ZMAT3: variants seen among roughly 807,000 people sequenced by gnomAD.
ZMAT3 encodes zinc finger matrin-type 3, also known as zinc finger matrin-type protein 3.
ZMAT3 carries 17 observed loss-of-function variants against 32.3 expected under a neutral mutation model. The observed-to-expected ratio is 0.53, with a 90% CI of 0.36 to 0.79. The LOEUF is 0.79. Among genes scored for constraint, ZMAT3 ranks in the 30% least tolerant of loss-of-function variants. The pLI, the probability that ZMAT3 is intolerant of heterozygous loss-of-function variation, is 0.00. For synonymous variants in ZMAT3, 120 were observed against 133.1 expected (o/e 0.90, Z 0.68); for missense variants, 329 against 359.7 (o/e 0.91, Z 0.69).
At chr3:179,069,899 T>C (rs996390498) in intron 1 of ZMAT3, among the ~76,000 whole-genome samples, 3 of 152,186 alleles carry the variant, frequency 2.0e-5, no homozygotes, top group Non-Finnish European at 2.9e-5. Context: ...ATTTAAAAAG[T>C]CAGGTTCTCT....
At chr3:179,060,700 T>G (rs932182750) in intron 2 of ZMAT3, among the ~76,000 whole-genome samples, 1 of 151,940 alleles carries the variant, frequency 6.6e-6, no homozygotes, top group Admixed American at 6.6e-5. Flanking sequence ...GTACACAAAC[T>G]GAAAGGATCT....
At chr3:179,067,429 A>G in intron 2 of ZMAT3, 54 bp downstream of exon 2, 2 of 1,582,250 alleles carry the variant, frequency 1.3e-6, no homozygotes, top group Non-Finnish European at 1.7e-6. Context: ...CTAAATAGCC[A>G]GAGCCCTGAA....
chr3:179,041,855 A>G (rs1342429573), intron 2 of ZMAT3, among the ~76,000 whole-genome samples: 2 of 152,218 alleles, frequency 1.3e-5, no homozygotes, highest in East Asian at 3.8e-4. Flanking sequence ...ATAAAGAAGA[A>G]AAGAGAGAAG....
In ZMAT3 at chr3:179,022,695, C is replaced by T. The variant is rs1718612850; in HGVS notation, c.*2322G>A. The stretch of plus-strand genomic sequence containing the variant: ...AAGAGTCACAGGTCTAGATAGAATC[C>T]TAACAGAATAGTATTTGATTCTTCT... On this transcript the variant is annotated 3_prime_UTR_variant, in exon 6 of 6. Transcript: ENST00000311417. 1 of 151,512 alleles carries T rather than the reference C, an allele frequency of 6.6e-6. No individual in the cohort carries two copies. The highest frequency in any genetic ancestry group is 1.5e-5 in the Non-Finnish European group (1 of 67,904). The allele number at this position is 151,512 out of a possible 1,614,324, so 9.4% of individuals were successfully genotyped here.
At chr3:179,044,670 C>T (rs755913586) in intron 2 of ZMAT3, among the ~76,000 whole-genome samples, 4 of 151,972 alleles carry the variant, frequency 2.6e-5, no homozygotes, top group Non-Finnish European at 5.9e-5. Context: ...GAAAATGTGA[C>T]ACATATACAC....
rs776585510 is a variant in ZMAT3, at chr3:179,067,616, G to A, written c.137C>T (p.Pro46Leu). 1.2e-5 allele frequency: 20 copies of A among 1,614,164 alleles called. No homozygotes were observed. The highest frequency in any genetic ancestry group is 1.6e-5 in the Non-Finnish European group (19 of 1,180,024). Residue 46 changes from proline (P) to leucine (L), a missense_variant, in exon 2 of 6, where the codon CCT (proline) becomes CTT (leucine). Transcript: ENST00000311417. ...QKPFGQEASL[P>L]LAGEEELSKG... ...CGATAACTCTTCTTCCCCTGCAAGA[G>A]GCAAGGAAGCCTCCTGCCCAAAAGG...
intron 2 of ZMAT3, among the ~76,000 whole-genome samples, chr3:179,042,944 G>A (rs967045160): frequency 6.6e-6 from 1 of 152,070 alleles, no homozygotes; most frequent in African/African-American, 2.4e-5. Context: ...CAAACAGAGA[G>A]CCAAATCATC....
rs115564946 is a variant in ZMAT3 at position 179,024,384 on chromosome 3, C to A, written c.*633G>T. ...GCGGTTCTGGTTAAGCCCTGGGAAACTGAAATCTCTGCTGACCTATTTTTA... is the reference window on the plus strand; with the variant it reads ...GCGGTTCTGGTTAAGCCCTGGGAAAATGAAATCTCTGCTGACCTATTTTTA... On this transcript the variant is annotated 3_prime_UTR_variant, in exon 6 of 6. Coordinates refer to ENST00000311417, the MANE Select transcript of ZMAT3 (RefSeq NM_022470.4). The A allele has an allele frequency of 0.014, 2,156 of 152,364 alleles. 50 individuals are homozygous for A. Among genetic ancestry groups the A allele is most frequent in the African/African-American group, 0.049 (2,043 of 41,478 alleles). 9.4% of individuals were successfully genotyped at this position (152,364 alleles called of 1,614,324 possible).
Position 179,027,824 on chromosome 3 carries a change from G to C in ZMAT3, c.391-12C>G, listed in dbSNP as rs2108536803. The C allele has an allele frequency of 6.3e-7, 1 of 1,585,448 alleles. No homozygotes were observed. Among genetic ancestry groups the C allele is most frequent in the South Asian group, 1.2e-5 (1 of 86,664 alleles). Reference sequence around the variant, plus strand: ...TTAAAGGAGCCCATCTGACATCAAAGACACAAGAAGAAACAAAGTTAAAAA... The same window carrying C: ...TTAAAGGAGCCCATCTGACATCAAACACACAAGAAGAAACAAAGTTAAAAA... On this transcript the variant is annotated splice_polypyrimidine_tract_variant and intron_variant, in intron 3 of 5. Transcript: ENST00000311417.
chr3:179,033,455 TC>T (rs2088627301), intron 2 of ZMAT3, among the ~76,000 whole-genome samples: 1 of 143,226 alleles, frequency 7.0e-6, no homozygotes, highest in South Asian at 2.2e-4. Flanking sequence ...CCCTGCCAAA[TC>T]CCCCTCTCCG....
At position 179,045,237 on chromosome 3, in the gene ZMAT3, T is replaced by C. The variant is rs1720167427; in HGVS notation, c.271-14238A>G. ...AGTGTCATAGAAGTCTGGAACAAAG[T>C]GGCTCAAAAGAAGAGTCTAGTTAAA... is the stretch of plus-strand genomic sequence containing the variant. On this transcript the variant is annotated intron_variant, in intron 2 of 5. Coordinates refer to ENST00000311417, the MANE Select transcript of ZMAT3 (RefSeq NM_022470.4). 2.0e-5 allele frequency among the ~76,000 whole-genome samples: 3 copies of C among 152,040 alleles called. No individual in the cohort carries two copies. In the South Asian group the frequency reaches 6.2e-4, roughly 32 times the overall value.
intron 2 of ZMAT3, among the ~76,000 whole-genome samples, chr3:179,055,480 T>A (rs7651110): frequency 6.9e-6 from 1 of 145,948 alleles, no homozygotes; most frequent in Non-Finnish European, 1.5e-5. Flanking sequence ...CAGCGTCCCC[T>A]CCCCGACTCC....
rs1482643014 is a variant in ZMAT3, at chr3:179,023,947, C to T, written c.*1070G>A. ...GTGTTAGCCAGGATGATCTCGACCT[C>T]CTGACCTCGTGATCCGCCTGCTTCG... On this transcript the variant is annotated 3_prime_UTR_variant, in exon 6 of 6. Coordinates refer to ENST00000311417, the MANE Select transcript of ZMAT3 (RefSeq NM_022470.4). The T allele has an allele frequency of 6.6e-6, 1 of 150,984 alleles. No individual in the cohort carries two copies. The highest frequency in any genetic ancestry group is 2.4e-5 in the African/African-American group (1 of 40,972). 9.4% of individuals were successfully genotyped at this position (150,984 alleles called of 1,614,324 possible).
At chr3:179,033,925 CA>C (rs992506416) in intron 2 of ZMAT3, among the ~76,000 whole-genome samples, 2 of 152,192 alleles carry the variant, frequency 1.3e-5, no homozygotes, top group Admixed American at 1.3e-4. Flanking sequence ...CCTTCCAAAT[CA>C]AAGAATGGCC....
chr3:179,032,240 G>A lies in ZMAT3; in HGVS notation c.271-1241C>T, dbSNP rs545811952. ...GCTGGTCTCCAGCTCCTGACCGCGAGTGATCTGCCAGCCTCGGCCTCCCGA... is the reference window on the plus strand; with the variant it reads ...GCTGGTCTCCAGCTCCTGACCGCGAATGATCTGCCAGCCTCGGCCTCCCGA... On this transcript the variant is annotated intron_variant, in intron 2 of 5. Transcript: ENST00000311417. Among the ~76,000 whole-genome samples, 12 of 151,952 alleles carry A rather than the reference G, an allele frequency of 7.9e-5. No individual in the cohort carries two copies. The East Asian group carries it at 2.0e-3, about 25-fold the overall frequency.
At chr3:179,026,073 T>C (rs1243993527) in intron 5 of ZMAT3, among the ~76,000 whole-genome samples, 2 of 152,362 alleles carry the variant, frequency 1.3e-5, no homozygotes, top group South Asian at 2.1e-4. Flanking sequence ...GTAGGAATTT[T>C]TAATTTCCAG....
intron 4 of ZMAT3, 47 bp from the exon 5 acceptor site, chr3:179,027,570 C>G (rs1718939923): frequency 1.2e-6 from 2 of 1,613,782 alleles, no homozygotes; most frequent in Middle Eastern, 1.7e-4. Flanking sequence ...AAACAAGAAT[C>G]CCTTTCTACT....
At chr3:179,036,358 G>A (rs146654050) in intron 2 of ZMAT3, among the ~76,000 whole-genome samples, 2 of 152,338 alleles carry the variant, frequency 1.3e-5, no homozygotes, top group Admixed American at 1.3e-4. Context: ...GTTCAAGAGT[G>A]TGGTCAGGAT....
intron 2 of ZMAT3, among the ~76,000 whole-genome samples, chr3:179,044,305 A>G (rs991636146): frequency 6.6e-6 from 1 of 152,226 alleles, no homozygotes; most frequent in Non-Finnish European, 1.5e-5. Context: ...CACAATAGCA[A>G]AGACTTGGAA....
Sources: gnomAD v4.1 joint callset for allele counts (sites outside exome capture counted in the v4.1 genomes callset) on GRCh38, gnomAD v4.1.1 for gene constraint, MANE v1.5 for transcripts, NCBI Gene and HGNC (gene_info 2026-07-23, HGNC 2026-07-21) for gene names.